The following SNTG1 variants were observed in gnomAD, a reference collection of about 807,000 sequenced individuals.
The protein encoded by SNTG1 is syntrophin gamma 1, also known as gamma-1-syntrophin.
SNTG1 carries 39 observed loss-of-function variants against 74.7 expected under a neutral mutation model. The ratio of observed to expected loss-of-function variants is 0.52; its 90% CI spans 0.40 to 0.68. The LOEUF (loss-of-function observed/expected upper bound fraction) is 0.68. SNTG1 is among the 30% of genes least tolerant of loss of function. The probability of loss-of-function intolerance (pLI) is 0.00; values close to 1 mark genes in which losing one functional copy is unlikely to be tolerated. For synonymous variants in SNTG1, 254 were observed against 217.1 expected, an observed-to-expected ratio of 1.17 and a Z score of -1.49; for missense variants, 685 against 609.5, an observed-to-expected ratio of 1.12 and a Z score of -1.30.
intron 17 of SNTG1, among the ~76,000 whole-genome samples, chr8:50,719,950 T>TA (rs2095483787): frequency 6.6e-6 from 1 of 151,158 alleles, no homozygotes. Context: ...ATGAAATATA[T>TA]TTTTTTTATG....
intron 1 of SNTG1, among the ~76,000 whole-genome samples, chr8:50,012,865 G>A (rs1399863800): frequency 1.3e-5 from 2 of 152,074 alleles, no homozygotes; most frequent in Non-Finnish European, 2.9e-5. Context: ...TACTTGTCTG[G>A]TACCTCATCC....
In SNTG1 at chr8:49,949,337, G is replaced by A. The variant is rs77332688; in HGVS notation, c.-103+37106G>A. Among the ~76,000 whole-genome samples the A allele has an allele frequency of 8.1e-3, 1,231 of 152,280 alleles. 24 individuals are homozygous for A. Among genetic ancestry groups the A allele is most frequent in the African/African-American group, 0.028 (1,162 of 41,564 alleles). On this transcript the variant is annotated intron_variant, in intron 1 of 18. Coordinates refer to ENST00000642720, the MANE Select transcript of SNTG1 (RefSeq NM_018967.5). Reference sequence around the variant, plus strand: ...TTTTATTTTAAAAAAATAATTTACAGCTTAATTGAAAATCAAGATGAATAC... The same window carrying A: ...TTTTATTTTAAAAAAATAATTTACAACTTAATTGAAAATCAAGATGAATAC...
At chr8:50,239,018 G>C (rs1481055778) in intron 2 of SNTG1, among the ~76,000 whole-genome samples, 1 of 152,132 alleles carries the variant, frequency 6.6e-6, no homozygotes, top group African/African-American at 2.4e-5. Context: ...TTGTGAGAAA[G>C]GGGAACGCTA....
intron 2 of SNTG1, among the ~76,000 whole-genome samples, chr8:50,181,095 T>C (rs1204362270): frequency 6.6e-6 from 1 of 152,086 alleles, no homozygotes; most frequent in Non-Finnish European, 1.5e-5. Context: ...CTTGCATTAC[T>C]CCATTGCCAA....
chr8:50,517,754 A>G (rs997155988), intron 9 of SNTG1, among the ~76,000 whole-genome samples: 10 of 152,200 alleles, frequency 6.6e-5, no homozygotes, highest in African/African-American at 2.4e-4. Context: ...AAGAAGAGCT[A>G]ACTATCCTAA....
At chr8:50,294,137 T>C (rs1192699796) in intron 2 of SNTG1, among the ~76,000 whole-genome samples, 1 of 150,836 alleles carries the variant, frequency 6.6e-6, no homozygotes, top group Non-Finnish European at 1.5e-5. Flanking sequence ...ATAAAAATAA[T>C]CAAATAAATA....
At chr8:50,460,417 T>A (rs1357346418) in intron 8 of SNTG1, among the ~76,000 whole-genome samples, 1 of 152,172 alleles carries the variant, frequency 6.6e-6, no homozygotes, top group Non-Finnish European at 1.5e-5. Context: ...GTGAATATTT[T>A]CTCCCATTCC....
intron 12 of SNTG1, among the ~76,000 whole-genome samples, chr8:50,574,721 TA>T (rs1337231848): frequency 1.3e-5 from 2 of 152,150 alleles, no homozygotes; most frequent in Non-Finnish European, 2.9e-5. Flanking sequence ...TATAATAACT[TA>T]CGAATGGTTT....
At chr8:50,660,779 A>G (rs1391688962) in intron 15 of SNTG1, among the ~76,000 whole-genome samples, 1 of 151,946 alleles carries the variant, frequency 6.6e-6, no homozygotes, top group African/African-American at 2.4e-5. Flanking sequence ...TTTAAAGGAA[A>G]TAATAAACAT....
intron 18 of SNTG1, among the ~76,000 whole-genome samples, chr8:50,766,465 G>A (rs142873690): frequency 9.5e-4 from 144 of 151,984 alleles, no homozygotes; most frequent in Middle Eastern, 3.4e-3. Context: ...AGCTATTTGC[G>A]TGTAAAGCTT....
chr8:50,055,022 T>G (rs191588568), intron 1 of SNTG1, among the ~76,000 whole-genome samples: 16 of 152,222 alleles, frequency 1.1e-4, no homozygotes, highest in African/African-American at 3.4e-4. Flanking sequence ...CTCATATGGC[T>G]GAACCACCCT....
chr8:50,016,243 A>T (rs1244333523), intron 1 of SNTG1, among the ~76,000 whole-genome samples: 1 of 152,124 alleles, frequency 6.6e-6, no homozygotes, highest in Admixed American at 6.6e-5. Context: ...TCCACTTTTC[A>T]TCACATGTCA....
intron 8 of SNTG1, among the ~76,000 whole-genome samples, chr8:50,492,476 T>A (rs1281559524): frequency 6.6e-6 from 1 of 152,260 alleles, no homozygotes; most frequent in Non-Finnish European, 1.5e-5. Context: ...TTAATTTGCA[T>A]TTCTCTAATG....
intron 4 of SNTG1, among the ~76,000 whole-genome samples, chr8:50,412,731 A>C (rs2092965426): frequency 1.3e-5 from 2 of 152,228 alleles, no homozygotes; most frequent in Admixed American, 6.5e-5. Context: ...AGACATATGT[A>C]AGTAGCATTT....
intron 12 of SNTG1, among the ~76,000 whole-genome samples, chr8:50,563,363 C>T (rs2094498700): frequency 6.6e-6 from 1 of 152,158 alleles, no homozygotes; most frequent in Non-Finnish European, 1.5e-5. Flanking sequence ...CATTTAGCTA[C>T]AGTAAGCACT....
At chr8:50,158,643 T>C (rs2082322636) in intron 1 of SNTG1, among the ~76,000 whole-genome samples, 2 of 152,086 alleles carry the variant, frequency 1.3e-5, no homozygotes, top group Non-Finnish European at 2.9e-5. Context: ...GTAGCTGGAG[T>C]TCATTGTTTT....
chr8:50,282,801 A>C lies in SNTG1; in HGVS notation c.-28+110166A>C, dbSNP rs79895624. 2.0e-5 allele frequency among the ~76,000 whole-genome samples: 3 copies of C among 152,030 alleles called. No homozygotes were observed. The South Asian group carries it at 6.2e-4, about 31-fold the overall frequency. ...AAGGAAAAATAAATAAATAAATAAA[A>C]GCTGTCTGACAATATCTGTTTCTAT... On this transcript the variant is annotated intron_variant, in intron 2 of 18. Coordinates refer to ENST00000642720, the MANE Select transcript of SNTG1 (RefSeq NM_018967.5).
chr8:50,114,908 G>A (rs1159000320), intron 1 of SNTG1, among the ~76,000 whole-genome samples: 1 of 152,054 alleles, frequency 6.6e-6, no homozygotes, highest in Non-Finnish European at 1.5e-5. Context: ...GGGATATAAT[G>A]TACAGCAGGA....
intron 1 of SNTG1, among the ~76,000 whole-genome samples, chr8:50,161,190 T>C (rs1049113985): frequency 6.6e-6 from 1 of 152,196 alleles, no homozygotes; most frequent in Non-Finnish European, 1.5e-5. Flanking sequence ...AATTTTATGT[T>C]TCAAAAAGAT....
Sources: gnomAD v4.1 joint callset for allele counts (sites outside exome capture counted in the v4.1 genomes callset) on GRCh38, gnomAD v4.1.1 for gene constraint, MANE v1.5 for transcripts, NCBI Gene and HGNC (gene_info 2026-07-23, HGNC 2026-07-21) for gene names.